Variants in NELL2 observed in about 807,000 individuals in gnomAD.
NELL2 encodes the protein neural EGFL like 2.
NELL2 carries 41 observed loss-of-function variants against 109.6 expected under a neutral mutation model. That is an observed-to-expected ratio of 0.37 (90% CI 0.29 to 0.49). NELL2 has a LOEUF of 0.49. Among genes scored for constraint, NELL2 ranks in the 20% least tolerant of loss-of-function variants. The probability of loss-of-function intolerance (pLI) is 0.98; values close to 1 mark genes in which losing one functional copy is unlikely to be tolerated. For missense variants in NELL2, 900 were observed against 1,008.3 expected, an observed-to-expected ratio of 0.89 and a Z score of 1.45; for synonymous variants, 355 against 344.7, an observed-to-expected ratio of 1.03 and a Z score of -0.33.
chr12:44,518,869 G>A (rs1461547605), intron 19 of NELL2, among the ~76,000 whole-genome samples: 1 of 152,176 alleles, frequency 6.6e-6, no homozygotes, highest in African/African-American at 2.4e-5. Context: ...GTAACTTTTA[G>A]TAATAGTAAC....
At chr12:44,740,584 G>C (rs1231346974) in intron 9 of NELL2, among the ~76,000 whole-genome samples, 1 of 151,568 alleles carries the variant, frequency 6.6e-6, no homozygotes, top group Non-Finnish European at 1.5e-5. Context: ...TGTGAAAAAA[G>C]AAAACTTACT....
At chr12:44,698,166 T>C (rs768094717) in intron 12 of NELL2, among the ~76,000 whole-genome samples, 6 of 152,200 alleles carry the variant, frequency 3.9e-5, no homozygotes, top group African/African-American at 1.4e-4. Flanking sequence ...TTTTATCTCA[T>C]CTTAACACAT....
At chr12:44,715,859 T>C (rs1938457868) in intron 9 of NELL2, among the ~76,000 whole-genome samples, 1 of 152,180 alleles carries the variant, frequency 6.6e-6, no homozygotes, top group Non-Finnish European at 1.5e-5. Flanking sequence ...TTATGAGAAA[T>C]TGTCTCACTC....
chr12:44,870,930 T>C (rs993942595), intron 2 of NELL2, among the ~76,000 whole-genome samples: 2 of 152,172 alleles, frequency 1.3e-5, no homozygotes, highest in African/African-American at 4.8e-5. Context: ...CACCATAATA[T>C]ATATTTCCAT....
intron 13 of NELL2, among the ~76,000 whole-genome samples, chr12:44,612,834 T>C (rs966296485): frequency 2.6e-5 from 4 of 152,050 alleles, no homozygotes; most frequent in African/African-American, 9.7e-5. Flanking sequence ...GTCTTTTTAA[T>C]TGGACCATAC....
At chr12:44,558,768 T>C (rs139166848) in intron 15 of NELL2, among the ~76,000 whole-genome samples, 17 of 152,210 alleles carry the variant, frequency 1.1e-4, no homozygotes, top group African/African-American at 3.6e-4. Context: ...GACACTGAGC[T>C]AGCTGCAGGA....
chr12:44,875,458 G>T (rs1945288250), intron 1 of NELL2, 105 bp from the exon 2 acceptor site: 2 of 1,613,816 alleles, frequency 1.2e-6, no homozygotes, highest in Non-Finnish European at 1.7e-6. Flanking sequence ...GACAATATTG[G>T]GAACTGAAGA....
chr12:44,523,688 T>TA, intron 16 of NELL2: 1 of 565,876 alleles, frequency 1.8e-6, no homozygotes, highest in Non-Finnish European at 3.1e-6. Flanking sequence ...ATGTTTGATT[T>TA]AAAAAATCAG....
intron 3 of NELL2, among the ~76,000 whole-genome samples, chr12:44,791,098 T>TAC (rs1491209710): frequency 0.018 from 291 of 16,330 alleles, 18 homozygotes; most frequent in African/African-American, 0.051. Context: ...TATATATATG[T>TAC]ATATATATAT....
upstream of NELL2, among the ~76,000 whole-genome samples, chr12:44,879,759 A>C (rs2136856237): frequency 6.6e-6 from 1 of 152,138 alleles, no homozygotes; most frequent in Middle Eastern, 3.4e-3. Flanking sequence ...TATCTCCTAC[A>C]AAAAGAAACT....
rs1475220747 is a variant in NELL2 at position 44,876,269 on chromosome 12, C to CG, written c.-401_-400insC. 1.7e-5 allele frequency: 20 copies of CG among 1,157,908 alleles called. No individual in the cohort carries two copies. The East Asian group carries it at 7.7e-4, about 45-fold the overall frequency. The allele number at this position is 1,157,908 out of a possible 1,614,324, so 71.7% of individuals were successfully genotyped here. ...GCCCGGGCTGGGGCGGCCCCGCACC[C>CG]CCCCGTCTTCCCCGCCGCCCGAACC... is the stretch of plus-strand genomic sequence containing the variant. On this transcript the variant is annotated 5_prime_UTR_variant, in exon 1 of 20. Transcript: ENST00000429094.
chr12:44,607,859 A>G (rs1376997477), intron 14 of NELL2, among the ~76,000 whole-genome samples: 1 of 152,116 alleles, frequency 6.6e-6, no homozygotes, highest in Non-Finnish European at 1.5e-5. Flanking sequence ...ATCAAGGGCC[A>G]AGACACTATA....
intron 3 of NELL2, among the ~76,000 whole-genome samples, chr12:44,800,757 A>T (rs953809974): frequency 6.6e-6 from 1 of 152,228 alleles, no homozygotes; most frequent in African/African-American, 2.4e-5. Context: ...GGAATTTTCA[A>T]CAGCTTTATA....
intron 2 of NELL2, among the ~76,000 whole-genome samples, chr12:44,852,953 C>A (rs1432667855): frequency 6.6e-6 from 1 of 152,070 alleles, no homozygotes; most frequent in Non-Finnish European, 1.5e-5. Context: ...TTTGTAGCAA[C>A]TTTTAAAAAA....
chr12:44,590,680 T>C (rs1206091278), intron 15 of NELL2, among the ~76,000 whole-genome samples: 1 of 152,108 alleles, frequency 6.6e-6, no homozygotes, highest in East Asian at 1.9e-4. Context: ...GAAGAAAACA[T>C]AGGTGAAATG....
chr12:44,559,281 A>G (rs1298392442), intron 15 of NELL2, among the ~76,000 whole-genome samples: 1 of 152,242 alleles, frequency 6.6e-6, no homozygotes. Flanking sequence ...TAATGGGCAA[A>G]ATAACCAGCT....
intron 15 of NELL2, among the ~76,000 whole-genome samples, chr12:44,534,970 T>C (rs1942231101): frequency 6.6e-6 from 1 of 152,060 alleles, no homozygotes; most frequent in Admixed American, 6.6e-5. Flanking sequence ...CATTTCTCTC[T>C]TGTCACTCCT....
intron 9 of NELL2, among the ~76,000 whole-genome samples, chr12:44,738,730 T>C (rs1939782163): frequency 1.3e-5 from 2 of 152,190 alleles, no homozygotes; most frequent in South Asian, 2.1e-4. Flanking sequence ...GAATAAGTTC[T>C]GGAGATCTAA....
chr12:44,617,058 A>G (rs2136263766), intron 13 of NELL2, among the ~76,000 whole-genome samples: 1 of 152,246 alleles, frequency 6.6e-6, no homozygotes, highest in Non-Finnish European at 1.5e-5. Context: ...GGTCTATAAG[A>G]AAAAAGTGGT....
Sources: allele counts gnomAD v4.1 joint callset (sites outside exome capture counted in the v4.1 genomes callset), GRCh38; gene constraint gnomAD v4.1.1; transcripts MANE v1.5; gene names NCBI Gene and HGNC (gene_info 2026-07-23, HGNC 2026-07-21).